HMCN2: variants seen among roughly 807,000 people sequenced by gnomAD.
HMCN2 encodes hemicentin 2.
Under a neutral mutation model 377.5 loss-of-function variants are expected in HMCN2, and 325 were observed. That is an observed-to-expected ratio of 0.86 (90% CI 0.79 to 0.94). HMCN2 has a LOEUF of 0.94. HMCN2 is among the 40% of genes least tolerant of loss of function. The pLI is 0.00. For missense variants in HMCN2, 4,543 were observed against 4,725.3 expected (o/e 0.96, Z 1.13); for synonymous variants, 2,007 against 2,046.8 (o/e 0.98, Z 0.53).
Position 130,425,837 on chromosome 9 carries a change from C to T in HMCN2, c.13792C>T (p.Gln4598Ter). The T allele has an allele frequency of 6.4e-7, 1 of 1,550,490 alleles. No individual in the cohort carries two copies. ...AARGPQPQLV[Q>*]HLRASAISSA... ...CCGGGGCCCCCAGCCCCAGCTGGTG[C>T]AGCACCTGCGGGCCTCAGCTATCAG... is the stretch of plus-strand genomic sequence containing the variant. Residue 4598 changes from glutamine (Q) to a stop codon, truncating the protein, a stop_gained, in exon 90 of 98, where the codon CAG becomes TAG. Coordinates refer to ENST00000683500, the MANE Select transcript of HMCN2 (RefSeq NM_001291815.2). LOFTEE classifies it high-confidence loss of function.
chr9:130,416,096 C>CT (rs1554972499), intron 85 of HMCN2, among the ~76,000 whole-genome samples: 24 of 91,872 alleles, frequency 2.6e-4, no homozygotes, highest in South Asian at 5.3e-4. Context: ...GTTCTAGAGG[C>CT]TTTATTTTTT....
chr9:130,364,380 T>G (rs1840575811), intron 40 of HMCN2, among the ~76,000 whole-genome samples: 1 of 152,230 alleles, frequency 6.6e-6, no homozygotes, highest in South Asian at 2.1e-4. Flanking sequence ...GAGACCTGCT[T>G]AAAAAAATTT....
At chr9:130,340,387 A>G (rs1838982256) in intron 23 of HMCN2, among the ~76,000 whole-genome samples, 1 of 152,218 alleles carries the variant, frequency 6.6e-6, no homozygotes, top group Non-Finnish European at 1.5e-5. Context: ...TCCCTTGGCT[A>G]TAAGGAGCTG....
At chr9:130,378,538 G>A (rs1415831413) in intron 53 of HMCN2, among the ~76,000 whole-genome samples, 1 of 137,284 alleles carries the variant, frequency 7.3e-6, no homozygotes, top group Non-Finnish European at 1.6e-5. Context: ...GAGGCAGGGA[G>A]GTGGGAAGGG....
intron 1 of HMCN2, among the ~76,000 whole-genome samples, chr9:130,279,223 T>C (rs529323273): frequency 4.6e-5 from 7 of 152,182 alleles, no homozygotes; most frequent in African/African-American, 1.7e-4. Flanking sequence ...GGTCACTGCA[T>C]GCGTGATGTA....
Position 130,360,162 on chromosome 9 carries a change from T to C in HMCN2, c.5774-266T>C, listed in dbSNP as rs62579550. Reference sequence around the variant, plus strand: ...TCTTGGGCAACATTGCCCGGTTCCATCCCGGTTCCCTTTCCTGAATGAAGA... The same window carrying C: ...TCTTGGGCAACATTGCCCGGTTCCACCCCGGTTCCCTTTCCTGAATGAAGA... On this transcript the variant is annotated intron_variant, in intron 37 of 97. Transcript: ENST00000683500. This position sits in a 1 kb window ranked among gnomAD's most constrained non-coding sequence, Gnocchi z 4.7. 0.19 allele frequency among the ~76,000 whole-genome samples: 28,301 copies of C among 152,014 alleles called. 3,450 individuals are homozygous for C. Among genetic ancestry groups the C allele is most frequent in the African/African-American group, 0.35 (14,342 of 41,390 alleles).
At position 130,406,102 on chromosome 9, in the gene HMCN2, C is replaced by A; in HGVS notation, c.12487C>A (p.Arg4163Ser). The A allele has an allele frequency of 5.4e-6, 7 of 1,289,876 alleles. No individual in the cohort carries two copies. The highest frequency in any genetic ancestry group is 7.1e-6 in the Non-Finnish European group (7 of 988,882). The allele number at this position is 1,289,876 out of a possible 1,614,324, so 79.9% of individuals were successfully genotyped here. A position where few individuals can be genotyped will look rare whatever the true frequency, so the allele number is the denominator to read the frequency against. ...GCGCCTTGGGGACAGGCTGTGGCTT[C>A]GCTGTGCAGCCCGGGGCAGCCCCAC... ...SLRLGDRLWL[R>S]CAARGSPTPR... The change falls in exon 82 of 98, where the codon CGC (arginine) becomes AGC (serine). Residue 4163 changes from arginine (R) to serine (S), a missense_variant. Arg to Ser is a moderately radical substitution (Grantham distance 110). This residue lies in a region of HMCN2 where 1,073 missense variants were observed against 1,319.5 expected (regional missense o/e 0.81). Transcript: ENST00000683500.
chr9:130,357,763 G>T, intron 34 of HMCN2, 71 bp from the exon 35 acceptor site: 1 of 1,173,684 alleles, frequency 8.5e-7, no homozygotes, highest in Non-Finnish European at 1.1e-6. Context: ...AGGCATCGAG[G>T]GGGTTGCTGG....
intron 85 of HMCN2, among the ~76,000 whole-genome samples, chr9:130,412,152 A>G (rs955235927): frequency 2.6e-5 from 4 of 152,164 alleles, no homozygotes; most frequent in African/African-American, 9.7e-5. Context: ...TTGTATTTTT[A>G]GTAGAAACGG....
Position 130,427,490 on chromosome 9 carries a change from G to T in HMCN2, c.13943-7G>T. On this transcript the variant is annotated splice_polypyrimidine_tract_variant and splice_region_variant and intron_variant, in intron 91 of 97. Coordinates refer to ENST00000683500, the MANE Select transcript of HMCN2 (RefSeq NM_001291815.2). Reference sequence around the variant, plus strand: ...AGCGGAGACCACCAGACCCCTTCCTGCCCCAGACAGGGACGAGTGCTCAGG... The same window carrying T: ...AGCGGAGACCACCAGACCCCTTCCTTCCCCAGACAGGGACGAGTGCTCAGG... 1.3e-6 allele frequency: 2 copies of T among 1,550,386 alleles called. No individual in the cohort carries two copies. The highest frequency in any genetic ancestry group is 1.7e-6 in the Non-Finnish European group (2 of 1,146,910).
chr9:130,377,376 G>A (rs1275015297), intron 52 of HMCN2, among the ~76,000 whole-genome samples: 1 of 152,186 alleles, frequency 6.6e-6, no homozygotes, highest in East Asian at 1.9e-4. Context: ...GCCTCCCAAA[G>A]TTCCGGGATT....
intron 18 of HMCN2, among the ~76,000 whole-genome samples, chr9:130,321,124 CT>C (rs1449255596): frequency 6.6e-6 from 1 of 152,178 alleles, no homozygotes; most frequent in Non-Finnish European, 1.5e-5. Context: ...GTCATGGCTG[CT>C]GGACCCCTGG....
chr9:130,285,739 G>A (rs1353113385), intron 3 of HMCN2, among the ~76,000 whole-genome samples: 2 of 152,180 alleles, frequency 1.3e-5, no homozygotes, highest in African/African-American at 4.8e-5. Context: ...AGGGCTGGGA[G>A]AGGGGACCTG....
In HMCN2 at chr9:130,396,051, G is replaced by A. The variant is rs138979602; in HGVS notation, c.11039G>A (p.Arg3680His). 0.023 allele frequency: 29,569 copies of A among 1,284,112 alleles called. 430 individuals are homozygous for A. Among genetic ancestry groups the A allele is most frequent in the Non-Finnish European group, 0.027 (26,706 of 986,752 alleles). The allele number at this position is 1,284,112 out of a possible 1,614,324, so 79.5% of individuals were successfully genotyped here. A position where few individuals can be genotyped will look rare whatever the true frequency, so the allele number is the denominator to read the frequency against. The change falls in exon 72 of 98, where the codon CGC (arginine) becomes CAC (histidine). Residue 3680 changes from arginine (R) to histidine (H), a missense_variant. By Grantham distance (29) the Arg-to-His change is conservative. Transcript: ENST00000683500. ...NAAGSTSVAFRVEIHTVPTIR... is the reference protein window; with the variant it reads ...NAAGSTSVAFHVEIHTVPTIR... The stretch of plus-strand genomic sequence containing the variant: ...GCAGGCAGCACTAGTGTCGCCTTCC[G>A]CGTGGAGATCCACAGTGAGTAGGGC...
At chr9:130,354,577 G>C (rs1276671178) in intron 31 of HMCN2, among the ~76,000 whole-genome samples, 186 bp from the exon 32 acceptor site, 1 of 152,198 alleles carries the variant, frequency 6.6e-6, no homozygotes, top group Non-Finnish European at 1.5e-5. Context: ...GGCGCGCCCA[G>C]GGGCTGAGGA....
chr9:130,412,750 T>G (rs1843498073), intron 85 of HMCN2, among the ~76,000 whole-genome samples: 2 of 152,062 alleles, frequency 1.3e-5, no homozygotes, highest in Non-Finnish European at 1.5e-5. Context: ...CTAATTTTTG[T>G]AATTTTAGTA....
chr9:130,423,341 A>G lies in HMCN2; in HGVS notation c.13381+615A>G, dbSNP rs893651728. 6.6e-6 allele frequency among the ~76,000 whole-genome samples: 1 copy of G among 152,180 alleles called. No homozygotes were observed. The highest frequency in any genetic ancestry group is 2.4e-5 in the African/African-American group (1 of 41,458). ...TGGGGGTCCAGGAGGGGCAGTATTC[A>G]TGGAGTCTTCACTGAAAGTAGCTCC... On this transcript the variant is annotated intron_variant, in intron 87 of 97. Coordinates refer to ENST00000683500, the MANE Select transcript of HMCN2 (RefSeq NM_001291815.2). This position sits in a 1 kb window ranked among gnomAD's most constrained non-coding sequence, Gnocchi z 5.5.
At chr9:130,432,676 G>A (rs2282218) in intron 97 of HMCN2, 121 bp downstream of exon 97, 431,840 of 1,092,342 alleles carry the variant, frequency 0.4, 86,741 homozygotes, top group Middle Eastern at 0.45. Context: ...AGGAACGCAC[G>A]GAGCCCTGGG....
Position 130,422,048 on chromosome 9 carries a change from G to T in HMCN2, c.13232-529G>T, listed in dbSNP as rs866994518. Reference sequence around the variant, plus strand: ...GCTAAAGAGCATCTGCTCACAGATGGCCTGGCGGGCAGCGGCTAGGAAACC... The same window carrying T: ...GCTAAAGAGCATCTGCTCACAGATGTCCTGGCGGGCAGCGGCTAGGAAACC... On this transcript the variant is annotated intron_variant, in intron 86 of 97. Transcript: ENST00000683500. This position sits in a 1 kb window ranked among gnomAD's most constrained non-coding sequence, Gnocchi z 4.2. 7.2e-4 allele frequency among the ~76,000 whole-genome samples: 110 copies of T among 152,320 alleles called. No homozygotes were observed. Among genetic ancestry groups the T allele is most frequent in the African/African-American group, 2.4e-3 (99 of 41,584 alleles).
Sources: allele counts gnomAD v4.1 joint callset (sites outside exome capture counted in the v4.1 genomes callset), GRCh38; gene constraint gnomAD v4.1.1; regional missense constraint gnomAD v4.1.1; non-coding constraint Gnocchi (gnomAD v3.1); transcripts MANE v1.5; gene names NCBI Gene and HGNC (gene_info 2026-07-23, HGNC 2026-07-21).